Variants in CLDN10 observed in about 807,000 individuals in gnomAD.
The protein encoded by CLDN10 is claudin 10, also known as claudin-10.
CLDN10 carries 15 observed loss-of-function variants against 22.9 expected under a neutral mutation model. The observed-to-expected ratio is 0.65, with a 90% confidence interval of 0.44 to 1.01. The LOEUF (loss-of-function observed/expected upper bound fraction) is 1.01. CLDN10 is among the 50% of genes least tolerant of loss of function. CLDN10 has a pLI of 0.00. For missense variants in CLDN10, 247 were observed against 287.8 expected (o/e 0.86, Z 1.03); for synonymous variants, 114 against 111.4 (o/e 1.02, Z -0.15).
chr13:95,487,994 C>T (rs9590286), intron 1 of CLDN10, among the ~76,000 whole-genome samples: 87,916 of 149,658 alleles, frequency 0.59, 26,712 homozygotes, highest in African/African-American at 0.76. Context: ...TTTTTCTTTT[C>T]TCTTTTTTTG....
At chr13:95,445,406 A>G (rs1224485192) in intron 1 of CLDN10, among the ~76,000 whole-genome samples, 1 of 152,240 alleles carries the variant, frequency 6.6e-6, no homozygotes. Context: ...GAGAATACCC[A>G]TGGGGCTTAC....
chr13:95,531,883 T>C (rs7982853), intron 1 of CLDN10, among the ~76,000 whole-genome samples: 4 of 151,724 alleles, frequency 2.6e-5, no homozygotes, highest in African/African-American at 7.3e-5. Flanking sequence ...CGCTTACACA[T>C]GTGTTTGATT....
intron 1 of CLDN10, among the ~76,000 whole-genome samples, chr13:95,438,270 T>A (rs1350391985): frequency 6.6e-6 from 1 of 152,176 alleles, no homozygotes; most frequent in Admixed American, 6.5e-5. Flanking sequence ...TTTATAAACA[T>A]AATTAGCTGG....
At chr13:95,473,396 A>G (rs1165510876) in intron 1 of CLDN10, among the ~76,000 whole-genome samples, 5 of 152,224 alleles carry the variant, frequency 3.3e-5, no homozygotes, top group Non-Finnish European at 7.3e-5. Flanking sequence ...AAAATTAAAA[A>G]AGAAATAACA....
rs1286613506 is a variant in CLDN10, at chr13:95,475,188, A to G, written c.214+41141A>G. ...GATCAGACGGCAGCAGCTCCCTGCC[A>G]GGGATTAAGAGCCCACCCCTGCCCC... On this transcript the variant is annotated intron_variant, in intron 1 of 4. Transcript: ENST00000376873. Among the ~76,000 whole-genome samples the G allele has an allele frequency of 3.3e-5, 5 of 152,198 alleles. No homozygotes were observed. The East Asian group carries it at 7.7e-4, about 23-fold the overall frequency.
chr13:95,520,369 C>CATTT (rs200880568), intron 1 of CLDN10, among the ~76,000 whole-genome samples: 28 of 151,668 alleles, frequency 1.8e-4, no homozygotes, highest in African/African-American at 3.2e-4. Context: ...AAAAAGTTCC[C>CATTT]ATTTATTTAT....
intron 1 of CLDN10, among the ~76,000 whole-genome samples, chr13:95,472,216 T>C (rs2042640271): frequency 6.6e-6 from 1 of 152,130 alleles, no homozygotes; most frequent in African/African-American, 2.4e-5. Flanking sequence ...TACTAGGCCA[T>C]GGGAGAAAAT....
chr13:95,574,776 G>GA (rs1188424777), intron 3 of CLDN10, among the ~76,000 whole-genome samples: 1 of 151,848 alleles, frequency 6.6e-6, no homozygotes, highest in Non-Finnish European at 1.5e-5. Context: ...TCTCAAAAAA[G>GA]AAAAAGATAC....
At chr13:95,501,206 G>T (rs1024415300) in intron 1 of CLDN10, among the ~76,000 whole-genome samples, 1 of 152,018 alleles carries the variant, frequency 6.6e-6, no homozygotes, top group Non-Finnish European at 1.5e-5. Context: ...TAGAGACAGG[G>T]ATTCACCATG....
rs144305222 is a variant in CLDN10 at position 95,509,874 on chromosome 13, A to G, written c.215-50258A>G. Among the ~76,000 whole-genome samples the G allele has an allele frequency of 2.8e-3, 431 of 152,274 alleles. 3 individuals carry two copies. The highest frequency in any genetic ancestry group is 0.015 in the South Asian group (71 of 4,826). On this transcript the variant is annotated intron_variant, in intron 1 of 4. Coordinates refer to the CLDN10 transcript ENST00000376873. ...TTTCTCTTCCTCTCACACAGCTGCC[A>G]CAATAGCACCCTGACTGTAAAATGC...
intron 3 of CLDN10, among the ~76,000 whole-genome samples, chr13:95,563,397 C>A (rs1038443859): frequency 1.3e-5 from 2 of 152,164 alleles, no homozygotes; most frequent in Admixed American, 6.5e-5. Flanking sequence ...AAATATAACA[C>A]CTACAATTCA....
chr13:95,530,948 A>G (rs1006737480), intron 1 of CLDN10, among the ~76,000 whole-genome samples: 1 of 147,726 alleles, frequency 6.8e-6, no homozygotes, highest in African/African-American at 2.5e-5. Context: ...TTTTTTTGAG[A>G]TGGAGTCTCA....
chr13:95,474,457 C>T (rs2042665808), intron 1 of CLDN10, among the ~76,000 whole-genome samples: 1 of 152,124 alleles, frequency 6.6e-6, no homozygotes, highest in Non-Finnish European at 1.5e-5. Flanking sequence ...GGTACCAGCC[C>T]ATGGCCCAGG....
rs373075622 is a variant in CLDN10, at chr13:95,556,401, A to T, written c.220+3428A>T. On this transcript the variant is annotated intron_variant, in intron 1 of 4. Coordinates refer to ENST00000299339, the MANE Select transcript of CLDN10 (RefSeq NM_006984.5). ...CCCCTCCCCTAGGGGTATCATTGCC[A>T]CTTGTTTTCCTTATAAGAAAAATGA... Among the ~76,000 whole-genome samples, 3 of 152,226 alleles carry T rather than the reference A, an allele frequency of 2.0e-5. No individual in the cohort carries two copies. In the East Asian group the frequency reaches 5.8e-4, roughly 29 times the overall value.
At chr13:95,489,544 C>G (rs1032959081) in intron 1 of CLDN10, among the ~76,000 whole-genome samples, 1 of 152,094 alleles carries the variant, frequency 6.6e-6, no homozygotes, top group Non-Finnish European at 1.5e-5. Flanking sequence ...GCTGTCTGTT[C>G]ATGTCCTTGG....
rs1246211151 is a variant in CLDN10, at chr13:95,499,449, G to A, written c.215-60683G>A. Among the ~76,000 whole-genome samples, 14 of 152,280 alleles carry A rather than the reference G, an allele frequency of 9.2e-5. No individual in the cohort carries two copies. In the East Asian group the frequency reaches 1.2e-3, roughly 13 times the overall value. ...CGCAGCTACTTGGGAGGCTGAGGCC[G>A]GAGAATCACTTGAACCCGGGAGGCA... On this transcript the variant is annotated intron_variant, in intron 1 of 4. Coordinates refer to the CLDN10 transcript ENST00000376873.
intron 1 of CLDN10, among the ~76,000 whole-genome samples, chr13:95,496,217 C>T (rs2042928418): frequency 6.6e-6 from 1 of 152,212 alleles, no homozygotes; most frequent in African/African-American, 2.4e-5. Context: ...GGTAAATAAG[C>T]ACACATTCAC....
At chr13:95,542,812 A>T (rs187891929) in intron 1 of CLDN10, among the ~76,000 whole-genome samples, 7 of 152,326 alleles carry the variant, frequency 4.6e-5, no homozygotes, top group Admixed American at 4.6e-4. Context: ...GTCTAAAATA[A>T]TAGGAATAAT....
chr13:95,572,285 T>A (rs1337820463), intron 3 of CLDN10, among the ~76,000 whole-genome samples: 2 of 152,204 alleles, frequency 1.3e-5, no homozygotes, highest in African/African-American at 4.8e-5. Context: ...TTGATTGGGT[T>A]TTTTATAGTT....
Sources: gnomAD v4.1 joint callset for allele counts (sites outside exome capture counted in the v4.1 genomes callset) on GRCh38, gnomAD v4.1.1 for gene constraint, MANE v1.5 for transcripts, NCBI Gene and HGNC (gene_info 2026-07-23, HGNC 2026-07-21) for gene names.